GLIS3: variants seen among roughly 807,000 people sequenced by gnomAD.
GLIS3 encodes GLIS family zinc finger 3.
A neutral mutation model predicts 78.6 loss-of-function variants in GLIS3; 53 were observed. The observed-to-expected ratio is 0.67, with a 90% CI of 0.54 to 0.85. The LOEUF is 0.85. Ranked by LOEUF, GLIS3 falls within the 40% of genes least tolerant of loss-of-function variation. The pLI is 0.00. For missense variants in GLIS3, 1,703 were observed against 1,231.1 expected (o/e 1.38, Z -5.74); for synonymous variants, 684 against 509.9 (o/e 1.34, Z -4.60).
chr9:4,392,884 T>A, the GLIS3 span, among the ~76,000 whole-genome samples: 1 of 151,646 alleles, frequency 6.6e-6, no homozygotes, highest in Non-Finnish European at 1.5e-5. Flanking sequence ...TGGAAAAAAA[T>A]CCAGAACTAC....
chr9:4,401,638 G>A, the GLIS3 span, among the ~76,000 whole-genome samples: 1 of 150,822 alleles, frequency 6.6e-6, no homozygotes, highest in South Asian at 2.1e-4. Context: ...TGCAATCTCA[G>A]CTCACTGCAA....
intron 2 of GLIS3, among the ~76,000 whole-genome samples, chr9:4,129,185 A>C (rs1470889699): frequency 6.6e-6 from 1 of 152,148 alleles, no homozygotes; most frequent in African/African-American, 2.4e-5. Flanking sequence ...ATACCTCCAG[A>C]CTTCTCAGAA....
At chr9:3,959,195 T>G (rs1295392830) in intron 4 of GLIS3, among the ~76,000 whole-genome samples, 3 of 152,122 alleles carry the variant, frequency 2.0e-5, no homozygotes, top group Admixed American at 2.0e-4. Flanking sequence ...TTGAATGGGA[T>G]TAATGCCCAT....
At chr9:4,326,603 G>A (rs988525241) in intron 2 of GLIS3, among the ~76,000 whole-genome samples, 1 of 152,198 alleles carries the variant, frequency 6.6e-6, no homozygotes, top group African/African-American at 2.4e-5. Flanking sequence ...GAAAAATGCT[G>A]GAGAGCGGAT....
chr9:3,936,433 T>A (rs1825902095), intron 5 of GLIS3, among the ~76,000 whole-genome samples: 1 of 152,162 alleles, frequency 6.6e-6, no homozygotes, highest in African/African-American at 2.4e-5. Context: ...TCAAAGAATA[T>A]GTGGCTGCTA....
chr9:4,471,207 T>A, the GLIS3 span, among the ~76,000 whole-genome samples: 1 of 152,102 alleles, frequency 6.6e-6, no homozygotes, highest in Non-Finnish European at 1.5e-5. Context: ...TTCAATGCCA[T>A]CCCCATCAAG....
At chr9:4,409,911 C>T in the GLIS3 span, among the ~76,000 whole-genome samples, 12 of 152,258 alleles carry the variant, frequency 7.9e-5, no homozygotes, top group East Asian at 2.3e-3. Context: ...TTTTTACTAT[C>T]TTTTTTGACA....
the GLIS3 span, among the ~76,000 whole-genome samples, chr9:4,473,915 TA>T: frequency 2.0e-5 from 3 of 151,954 alleles, no homozygotes; most frequent in Non-Finnish European, 2.9e-5. Flanking sequence ...AAATATTATT[TA>T]AAAAAACTAA....
At chr9:4,313,963 G>C (rs1817402809) in intron 2 of GLIS3, among the ~76,000 whole-genome samples, 1 of 152,202 alleles carries the variant, frequency 6.6e-6, no homozygotes, top group Admixed American at 6.5e-5. Flanking sequence ...TCCAGAAAGA[G>C]TCACTGACAA....
chr9:4,142,998 A>C (rs1008148417), intron 2 of GLIS3, among the ~76,000 whole-genome samples: 1 of 152,138 alleles, frequency 6.6e-6, no homozygotes, highest in Non-Finnish European at 1.5e-5. Context: ...GCTGTTGGGT[A>C]CTAGTTAGCC....
chr9:3,882,233 A>C (rs1350873010), intron 7 of GLIS3, among the ~76,000 whole-genome samples: 2 of 152,322 alleles, frequency 1.3e-5, no homozygotes, highest in South Asian at 4.1e-4. Flanking sequence ...TGCCCATGGA[A>C]TCTCGGGGCT....
At chr9:3,970,111 G>A (rs1167740571) in intron 4 of GLIS3, among the ~76,000 whole-genome samples, 1 of 152,154 alleles carries the variant, frequency 6.6e-6, no homozygotes, top group African/African-American at 2.4e-5. Context: ...TGGCACATAA[G>A]ATAATTTGAA....
chr9:4,152,643 T>G (rs1834767794), intron 2 of GLIS3, among the ~76,000 whole-genome samples: 1 of 152,248 alleles, frequency 6.6e-6, no homozygotes, highest in African/African-American at 2.4e-5. Flanking sequence ...AAGTTAAATT[T>G]CAGAAATTCT....
chr9:3,941,964 T>C (rs1333653711), intron 4 of GLIS3, among the ~76,000 whole-genome samples: 1 of 152,228 alleles, frequency 6.6e-6, no homozygotes, highest in Non-Finnish European at 1.5e-5. Flanking sequence ...AAATGTTACT[T>C]TCCCTTTCCA....
chr9:3,867,026 C>G (rs1299238421), intron 8 of GLIS3, among the ~76,000 whole-genome samples: 1 of 152,120 alleles, frequency 6.6e-6, no homozygotes, highest in Non-Finnish European at 1.5e-5. Context: ...CCAACAGGAC[C>G]TACAGATGAA....
intron 7 of GLIS3, among the ~76,000 whole-genome samples, chr9:3,892,062 A>T (rs1177097062): frequency 6.6e-6 from 1 of 152,138 alleles, no homozygotes; most frequent in East Asian, 1.9e-4. Context: ...CAGACCCCTC[A>T]CTTCTTAAGG....
chr9:4,479,001 C>T, the GLIS3 span, among the ~76,000 whole-genome samples: 16 of 152,144 alleles, frequency 1.1e-4, no homozygotes, highest in African/African-American at 3.6e-4. Context: ...AAGGAATTAG[C>T]CAAATCCAGA....
the GLIS3 span, among the ~76,000 whole-genome samples, chr9:4,370,962 G>A: frequency 6.6e-6 from 1 of 152,064 alleles, no homozygotes; most frequent in Admixed American, 6.5e-5. Flanking sequence ...AAATTAAGAA[G>A]GAAAATTGCA....
intron 4 of GLIS3, among the ~76,000 whole-genome samples, chr9:4,002,378 T>C (rs1009633816): frequency 6.6e-6 from 1 of 152,204 alleles, no homozygotes; most frequent in Non-Finnish European, 1.5e-5. Flanking sequence ...AAATTTGTGT[T>C]ATTTGAAGCC....
Sources: allele counts gnomAD v4.1 joint callset (sites outside exome capture counted in the v4.1 genomes callset), GRCh38; gene constraint gnomAD v4.1.1; transcripts MANE v1.5; gene names NCBI Gene and HGNC (gene_info 2026-07-23, HGNC 2026-07-21).